MYO5C: variants seen among roughly 807,000 people sequenced by gnomAD.
MYO5C encodes the protein unconventional myosin-Vc.
Under a neutral mutation model 235.7 loss-of-function variants are expected in MYO5C, and 194 were observed. The observed-to-expected ratio is 0.82, with a 90% confidence interval of 0.73 to 0.93. MYO5C has a LOEUF of 0.93. Among genes scored for constraint, MYO5C ranks in the 40% least tolerant of loss-of-function variants. The pLI is 0.00. For synonymous variants in MYO5C, 707 were observed against 754.8 expected (o/e 0.94, Z 1.04); for missense variants, 2,038 against 2,127.2 (o/e 0.96, Z 0.82).
At position 52,269,673 on chromosome 15, in the gene MYO5C, G is replaced by A. The variant is rs185832966; in HGVS notation, c.940+80C>T. 3 of 914,458 alleles carry A rather than the reference G, an allele frequency of 3.3e-6. No homozygotes were observed. The African/African-American group carries it at 5.1e-5, about 15-fold the overall frequency. The allele number at this position is 914,458 out of a possible 1,614,324, so 56.6% of individuals were successfully genotyped here. A position where few individuals can be genotyped will look rare whatever the true frequency, so the allele number is the denominator to read the frequency against. On this transcript the variant is annotated intron_variant, in intron 8 of 40. Coordinates refer to ENST00000261839, the MANE Select transcript of MYO5C (RefSeq NM_018728.4). ...CCCAAAGTGTTGGGATTACAGGTGT[G>A]AGCCACCACGCCTGGCCTTAATTTT...
chr15:52,237,128 G>A (rs2036103922), intron 22 of MYO5C: 1 of 165,186 alleles, frequency 6.1e-6, no homozygotes, highest in Non-Finnish European at 1.3e-5. Flanking sequence ...GCTGTTCAGG[G>A]GAAGACATTT....
chr15:52,285,755 T>C lies in MYO5C; in HGVS notation c.28-2863A>G, dbSNP rs566893807. 1.1e-3 allele frequency among the ~76,000 whole-genome samples: 174 copies of C among 152,144 alleles called. 2 individuals are homozygous for C. Among genetic ancestry groups the C allele is most frequent in the Admixed American group, 9.9e-3 (151 of 15,284 alleles). On this transcript the variant is annotated intron_variant, in intron 1 of 40. Coordinates refer to ENST00000261839, the MANE Select transcript of MYO5C (RefSeq NM_018728.4). Reference sequence around the variant, plus strand: ...CGAGTTGCTGGGATTGCAGACGGAGTGTCGTTCACTCAGTGCTCAATGGTG... The same window carrying C: ...CGAGTTGCTGGGATTGCAGACGGAGCGTCGTTCACTCAGTGCTCAATGGTG...
At chr15:52,237,950 T>C (rs1313167537) in intron 21 of MYO5C, among the ~76,000 whole-genome samples, 1 of 150,346 alleles carries the variant, frequency 6.7e-6, no homozygotes, top group Admixed American at 6.6e-5. Flanking sequence ...GTTGAAGTCC[T>C]AACCCCTGAA....
intron 39 of MYO5C, 42 bp from the exon 40 acceptor site, chr15:52,195,499 A>G (rs2035025970): frequency 1.5e-6 from 2 of 1,338,866 alleles, no homozygotes; most frequent in Non-Finnish European, 2.1e-6. Context: ...ATGCAAAATA[A>G]TAACTCTGTT....
chr15:52,268,350 G>A lies in MYO5C; in HGVS notation c.940+1403C>T, dbSNP rs547933759. Among the ~76,000 whole-genome samples, 30 of 152,304 alleles carry A rather than the reference G, an allele frequency of 2.0e-4. 2 individuals carry two copies. The South Asian group carries it at 6.2e-3, about 32-fold the overall frequency. ...GAAGCCAAGGCGGGCAGATCACGAG[G>A]TCAGGAGATTGAGACCATCTTGGCC... On this transcript the variant is annotated intron_variant, in intron 8 of 40. Transcript: ENST00000261839.
In MYO5C at chr15:52,256,681, G is replaced by A. The variant is rs759775709; in HGVS notation, c.1353C>T (p.Cys451=). Residue 451 remains cysteine (C), a synonymous_variant, in exon 11 of 41, where the codon TGC becomes TGT. Coordinates refer to ENST00000261839, the MANE Select transcript of MYO5C (RefSeq NM_018728.4). The part of the protein sequence containing the change: ...TFDVNSFEQF[C]INYANEKLQQ... The stretch of plus-strand genomic sequence containing the variant: ...GCAGTTTTTCATTAGCGTAATTGAT[G>A]CAAAATTGTTCAAAGCTGTTCACAT... 1.9e-6 allele frequency: 3 copies of A among 1,611,158 alleles called. No homozygotes were observed. Among genetic ancestry groups the A allele is most frequent in the Non-Finnish European group, 2.5e-6 (3 of 1,178,780 alleles).
At chr15:52,224,632 AT>A (rs1356290367) in intron 28 of MYO5C, among the ~76,000 whole-genome samples, 2 of 152,244 alleles carry the variant, frequency 1.3e-5, no homozygotes, top group Non-Finnish European at 2.9e-5. Context: ...GTATCTACAT[AT>A]TTCTGGCAAC....
At chr15:52,259,758 G>A (rs1292057339) in intron 10 of MYO5C, among the ~76,000 whole-genome samples, 2 of 152,254 alleles carry the variant, frequency 1.3e-5, no homozygotes, top group African/African-American at 4.8e-5. Context: ...AAACAAAGCA[G>A]CTCCCTTGAC....
intron 38 of MYO5C, among the ~76,000 whole-genome samples, chr15:52,201,823 G>C (rs1033746734): frequency 6.6e-6 from 1 of 151,222 alleles, no homozygotes; most frequent in African/African-American, 2.4e-5. Flanking sequence ...CACTTGATGT[G>C]GTAAGATATT....
At chr15:52,285,992 G>C (rs1055107535) in intron 1 of MYO5C, among the ~76,000 whole-genome samples, 2 of 151,860 alleles carry the variant, frequency 1.3e-5, no homozygotes, top group African/African-American at 4.8e-5. Context: ...AGTAAGGAGC[G>C]TCTCTGCCCA....
intron 10 of MYO5C, among the ~76,000 whole-genome samples, chr15:52,257,235 T>C (rs1344915077): frequency 1.3e-5 from 2 of 152,230 alleles, no homozygotes; most frequent in East Asian, 1.9e-4. Context: ...GGTGCTTTCA[T>C]AGCTCCTAGA....
Position 52,239,792 on chromosome 15 carries a change from C to T in MYO5C, c.2644G>A (p.Val882Met), listed in dbSNP as rs267604253. Residue 882 changes from valine to methionine, a missense_variant, in exon 21 of 41, where the codon GTG becomes ATG. Val to Met is a conservative substitution (Grantham distance 21). Transcript: ENST00000261839. Reference sequence around the variant, plus strand: ...CTGTAAGTAAGCTGAATATTAAGCACGAATCGTCGGATACTCTGGAATCTG... The same window carrying T: ...CTGTAAGTAAGCTGAATATTAAGCATGAATCGTCGGATACTCTGGAATCTG... The part of the protein sequence containing the change: ...RRRFQSIRRF[V>M]LNIQLTYRVQ... The T allele has an allele frequency of 2.4e-5, 38 of 1,613,572 alleles. No homozygotes were observed. The highest frequency in any genetic ancestry group is 1.1e-4 in the South Asian group (10 of 90,962).
chr15:52,269,452 T>C (rs928729247), intron 8 of MYO5C, among the ~76,000 whole-genome samples: 1 of 141,238 alleles, frequency 7.1e-6, no homozygotes, highest in Non-Finnish European at 1.5e-5. Flanking sequence ...AGTGCAGTGG[T>C]GTGATCTCGG....
intron 13 of MYO5C, among the ~76,000 whole-genome samples, chr15:52,250,000 A>G (rs1226995304): frequency 6.6e-6 from 1 of 152,218 alleles, no homozygotes; most frequent in Non-Finnish European, 1.5e-5. Flanking sequence ...GTGGCAGGTG[A>G]GAGAATTACA....
intron 34 of MYO5C, among the ~76,000 whole-genome samples, chr15:52,212,828 T>G (rs894437756): frequency 6.6e-6 from 1 of 152,186 alleles, no homozygotes. Flanking sequence ...AATGAGGTGA[T>G]GTTTCTCTTC....
At chr15:52,221,405 AT>A (rs558803588) in intron 29 of MYO5C, 150 bp from the exon 30 acceptor site, 1,642 of 556,836 alleles carry the variant, frequency 2.9e-3, no homozygotes, top group South Asian at 4.4e-3. Flanking sequence ...CTGGATTAAC[AT>A]TTTTTTTTAA....
intron 18 of MYO5C, 68 bp downstream of exon 18, chr15:52,245,286 G>A (rs911036247): frequency 1.0e-4 from 106 of 1,054,488 alleles, no homozygotes; most frequent in Non-Finnish European, 1.5e-4. Context: ...AGACAAAGAT[G>A]AAACAGCATG....
chr15:52,197,928 G>T (rs993373008), intron 38 of MYO5C, among the ~76,000 whole-genome samples: 1 of 152,034 alleles, frequency 6.6e-6, no homozygotes, highest in Non-Finnish European at 1.5e-5. Context: ...GAGTGACTGT[G>T]CCTGGCCTGA....
chr15:52,212,513 G>A (rs2035466361), intron 34 of MYO5C, among the ~76,000 whole-genome samples: 1 of 152,206 alleles, frequency 6.6e-6, no homozygotes, highest in African/African-American at 2.4e-5. Context: ...ATGAGCCAAG[G>A]GGGTCACTCG....
Sources: allele counts gnomAD v4.1 joint callset (sites outside exome capture counted in the v4.1 genomes callset), GRCh38; gene constraint gnomAD v4.1.1; transcripts MANE v1.5; gene names NCBI Gene and HGNC (gene_info 2026-07-23, HGNC 2026-07-21).